FBXL22: variants seen among roughly 807,000 people sequenced by gnomAD.
FBXL22 encodes the protein F-box and leucine rich repeat protein 22.
In FBXL22, 13 loss-of-function variants were observed where a neutral mutation model predicts 11.7. The ratio of observed to expected loss-of-function variants is 1.11; its 90% CI spans 0.73 to 1.77. FBXL22 has a LOEUF of 1.77. FBXL22 is among the 40% of genes most tolerant of loss of function. The probability of loss-of-function intolerance (pLI) is 0.00; values close to 1 mark genes in which losing one functional copy is unlikely to be tolerated. For missense variants in FBXL22, 406 were observed against 320.4 expected (o/e 1.27, Z -2.04); for synonymous variants, 160 against 144.1 (o/e 1.11, Z -0.79).
At chr15:63,605,199 C>T (rs1315101448), downstream of FBXL22, among the ~76,000 whole-genome samples, 2 of 152,218 alleles carry the variant, frequency 1.3e-5, no homozygotes, top group African/African-American at 4.8e-5. Flanking sequence ...ATGGGCTGGG[C>T]CAGGCCCTAC....
Position 63,598,838 on chromosome 15 carries a change from G to A in FBXL22, c.353+1093G>A, listed in dbSNP as rs570568320. ...ATTTTGATGGGCTTAACAAGGCCCA[G>A]GAATTAGACTAGAGTGACATGGGTG... On this transcript the variant is annotated intron_variant, in intron 1 of 1. Coordinates refer to ENST00000638704, the MANE Select transcript of FBXL22 (RefSeq NM_001367807.1). 1.2e-4 allele frequency among the ~76,000 whole-genome samples: 18 copies of A among 152,372 alleles called. No homozygotes were observed. The South Asian group carries it at 2.7e-3, about 23-fold the overall frequency.
chr15:63,601,433 C>T, downstream of FBXL22: 1 of 1,583,260 alleles, frequency 6.3e-7, no homozygotes, highest in East Asian at 2.3e-5. Context: ...TCGGGGGTGA[C>T]GGGGGCCAGG....
Position 63,600,300 on chromosome 15 carries a change from G to C in FBXL22, c.354-397G>C, listed in dbSNP as rs968781801. On this transcript the variant is annotated intron_variant, in intron 1 of 1. Coordinates refer to ENST00000638704, the MANE Select transcript of FBXL22 (RefSeq NM_001367807.1). ...ATTCAGGGGCCTCAGCTTGAAGCTAGACTGGAGCAATCGCCAAGCACCGCT... is the reference window on the plus strand; with the variant it reads ...ATTCAGGGGCCTCAGCTTGAAGCTACACTGGAGCAATCGCCAAGCACCGCT... The C allele has an allele frequency of 7.9e-6, 8 of 1,010,212 alleles. No homozygotes were observed. The African/African-American group carries it at 1.4e-4, about 17-fold the overall frequency. 62.6% of individuals were successfully genotyped at this position (1,010,212 alleles called of 1,614,324 possible).
At chr15:63,603,281 A>G (rs1339546843), downstream of FBXL22, among the ~76,000 whole-genome samples, 1 of 152,172 alleles carries the variant, frequency 6.6e-6, no homozygotes, top group Admixed American at 6.5e-5. Flanking sequence ...TACTCAGCCC[A>G]TTTCTTGCAT....
chr15:63,599,710 G>C, intron 1 of FBXL22: 29 of 987,286 alleles, frequency 2.9e-5, no homozygotes, highest in Non-Finnish European at 3.4e-5. Flanking sequence ...GGCTGGCAGG[G>C]AAAGGGAAAC....
At position 63,600,838 on chromosome 15, in the gene FBXL22, T is replaced by G; in HGVS notation, c.495T>G (p.Ala165=). ...NCARVTNRTL[A]AVAADGRALQ... Reference sequence around the variant, plus strand: ...CGCGCGTCACCAACCGCACGTTGGCTGCCGTGGCGGCGGACGGGCGCGCGC... The same window carrying G: ...CGCGCGTCACCAACCGCACGTTGGCGGCCGTGGCGGCGGACGGGCGCGCGC... The change falls in exon 2 of 2, where the codon GCT becomes GCG. Residue 165 remains alanine (A), a synonymous_variant. Transcript: ENST00000638704. The G allele has an allele frequency of 3.3e-6, 4 of 1,230,408 alleles. No homozygotes were observed. Among genetic ancestry groups the G allele is most frequent in the Non-Finnish European group, 4.1e-6 (4 of 987,092 alleles). The allele number at this position is 1,230,408 out of a possible 1,614,324, so 76.2% of individuals were successfully genotyped here. A position where few individuals can be genotyped will look rare whatever the true frequency, so the allele number is the denominator to read the frequency against.
Position 63,601,131 on chromosome 15 carries a change from A to T in FBXL22, c.*92A>T, listed in dbSNP as rs751369115. The T allele has an allele frequency of 8.1e-6, 11 of 1,351,870 alleles. No individual in the cohort carries two copies. Among genetic ancestry groups the T allele is most frequent in the Non-Finnish European group, 1.0e-5 (11 of 1,055,312 alleles). 83.7% of individuals were successfully genotyped at this position (1,351,870 alleles called of 1,614,324 possible). A position where few individuals can be genotyped will look rare whatever the true frequency, so the allele number is the denominator to read the frequency against. ...TCTTCCACCTTCAGACCACCACCGC[A>T]TATTCTGAGCCTCATTTTCCCCGTC... On this transcript the variant is annotated 3_prime_UTR_variant, in exon 2 of 2. Transcript: ENST00000638704.
At chr15:63,605,881 G>C (rs1160517643), downstream of FBXL22, among the ~76,000 whole-genome samples, 2 of 152,350 alleles carry the variant, frequency 1.3e-5, no homozygotes, top group East Asian at 1.9e-4. Flanking sequence ...GGTCTGCATA[G>C]GAGCCCCAGT....
Position 63,597,454 on chromosome 15 carries a change from T to C in FBXL22, c.62T>C (p.Phe21Ser). 4.3e-6 allele frequency: 7 copies of C among 1,613,994 alleles called. No individual in the cohort carries two copies. The highest frequency in any genetic ancestry group is 5.1e-6 in the Non-Finnish European group (6 of 1,179,994). ...AACCGGGAGTGCCTGCTGCACCTCT[T>C]CTCCTTCCTAGACAAGGACAGCAGG... The part of the protein sequence containing the change: ...QLNRECLLHL[F>S]SFLDKDSRKS... The change falls in exon 1 of 2, where the codon TTC (phenylalanine) becomes TCC (serine). Residue 21 changes from phenylalanine to serine, a missense_variant. Physicochemically the swap from Phe to Ser is radical, Grantham distance 155. Transcript: ENST00000638704. This position sits in a 1 kb window ranked among gnomAD's most constrained non-coding sequence, Gnocchi z 4.3.
At chr15:63,605,494 C>G (rs1052770697), downstream of FBXL22, among the ~76,000 whole-genome samples, 17 of 152,244 alleles carry the variant, frequency 1.1e-4, no homozygotes, top group African/African-American at 4.1e-4. Flanking sequence ...AGCCAGGCAC[C>G]CTTTGTGGCA....
At position 63,597,598 on chromosome 15, in the gene FBXL22, C is replaced by A; in HGVS notation, c.206C>A (p.Pro69Gln). 1 of 1,613,930 alleles carries A rather than the reference C, an allele frequency of 6.2e-7. No individual in the cohort carries two copies. Among genetic ancestry groups the A allele is most frequent in the Non-Finnish European group, 8.5e-7 (1 of 1,180,012 alleles). Reference sequence around the variant, plus strand: ...CAGAAGGACAACTTCCTCCTGGGCCCGGCACTCCGCAGCCTCTCCATCTGC... The same window carrying A: ...CAGAAGGACAACTTCCTCCTGGGCCAGGCACTCCGCAGCCTCTCCATCTGC... ...ELQKDNFLLGPALRSLSICWH... is the reference protein window; with the variant it reads ...ELQKDNFLLGQALRSLSICWH... The change falls in exon 1 of 2, where the codon CCG becomes CAG. Residue 69 changes from proline to glutamine, a missense_variant. By Grantham distance (76) the Pro-to-Gln change is moderately conservative. Transcript: ENST00000638704. This position sits in a 1 kb window ranked among gnomAD's most constrained non-coding sequence, Gnocchi z 4.3.
At chr15:63,603,941 A>G (rs1252415642), downstream of FBXL22, among the ~76,000 whole-genome samples, 1 of 152,162 alleles carries the variant, frequency 6.6e-6, no homozygotes, top group African/African-American at 2.4e-5. Context: ...TACTCTGAAC[A>G]CTGTTGAAAG....
chr15:63,601,497 C>T, downstream of FBXL22: 3 of 1,547,504 alleles, frequency 1.9e-6, no homozygotes, highest in Non-Finnish European at 8.7e-7. Flanking sequence ...CCAGCGAGAC[C>T]CCGCCGGCTC....
the FBXL22 span, among the ~76,000 whole-genome samples, chr15:63,608,118 C>T: frequency 3.9e-5 from 6 of 152,362 alleles, no homozygotes; most frequent in East Asian, 1.2e-3. Flanking sequence ...CAGTTGCTGG[C>T]CTTTCTGTAA....
chr15:63,601,869 T>A, downstream of FBXL22: 1 of 824,238 alleles, frequency 1.2e-6, no homozygotes, highest in Non-Finnish European at 1.8e-6. Context: ...ATGGAACCAT[T>A]ATAAGCTGAC....
chr15:63,598,129 C>T (rs1481530674), intron 1 of FBXL22, among the ~76,000 whole-genome samples: 1 of 152,118 alleles, frequency 6.6e-6, no homozygotes, highest in African/African-American at 2.4e-5. Flanking sequence ...AAGCAGCCCT[C>T]AAGGCCTGGG....
chr15:63,602,031 T>G, downstream of FBXL22: 1 of 262,770 alleles, frequency 3.8e-6, no homozygotes, highest in East Asian at 9.8e-5. Flanking sequence ...CTGGGGAGAA[T>G]TCTGGGTGGG....
chr15:63,606,996 C>T (rs142385995), downstream of FBXL22, among the ~76,000 whole-genome samples: 3 of 151,984 alleles, frequency 2.0e-5, no homozygotes, highest in South Asian at 2.1e-4. Context: ...ACGCAGGAAG[C>T]GGCTCAGAAG....
At chr15:63,601,821 C>G, downstream of FBXL22, 1 of 1,275,416 alleles carries the variant, frequency 7.8e-7, no homozygotes, top group Non-Finnish European at 1.0e-6. Context: ...TCAAACTAAA[C>G]AAAAACAAAA....
Sources: gnomAD v4.1 joint callset for allele counts (sites outside exome capture counted in the v4.1 genomes callset) on GRCh38, gnomAD v4.1.1 for gene constraint, Gnocchi (gnomAD v3.1) non-coding constraint, MANE v1.5 for transcripts, NCBI Gene and HGNC (gene_info 2026-07-23, HGNC 2026-07-21) for gene names.